TRPM3: variants seen among roughly 807,000 people sequenced by gnomAD.
TRPM3 encodes the protein transient receptor potential cation channel subfamily M member 3, also known as long transient receptor potential channel 3.
TRPM3 carries 77 observed loss-of-function variants against 181.2 expected under a neutral mutation model. That is an observed-to-expected ratio of 0.42 (90% confidence interval 0.35 to 0.51). TRPM3 has a LOEUF of 0.51. Ranked by LOEUF, TRPM3 falls within the 20% of genes least tolerant of loss-of-function variation. The pLI, the probability that TRPM3 is intolerant of heterozygous loss-of-function variation, is 0.01. For synonymous variants in TRPM3, 745 were observed against 796.4 expected (o/e 0.94, Z 1.09); for missense variants, 1,759 against 2,196.7 (o/e 0.80, Z 3.98).
At chr9:71,010,273 G>A (rs1000157488) in intron 1 of TRPM3, among the ~76,000 whole-genome samples, 1 of 152,044 alleles carries the variant, frequency 6.6e-6, no homozygotes, top group South Asian at 2.1e-4. Flanking sequence ...CAAAGGAAAT[G>A]AGTAACAGAG....
At chr9:71,306,320 A>C (rs2087315830) in intron 1 of TRPM3, among the ~76,000 whole-genome samples, 1 of 152,214 alleles carries the variant, frequency 6.6e-6, no homozygotes. Flanking sequence ...GAACTGTCAT[A>C]CAAAGTTTCC....
At chr9:71,127,780 T>A (rs2074135344) in intron 1 of TRPM3, among the ~76,000 whole-genome samples, 1 of 152,256 alleles carries the variant, frequency 6.6e-6, no homozygotes, top group Admixed American at 6.5e-5. Context: ...CCGAATGGCC[T>A]GAAGGTAAAC....
At chr9:71,064,513 CT>C (rs2061682774) in intron 1 of TRPM3, among the ~76,000 whole-genome samples, 1 of 151,776 alleles carries the variant, frequency 6.6e-6, no homozygotes, top group African/African-American at 2.4e-5. Flanking sequence ...ACATTTCCCC[CT>C]GTAGTTTTCA....
At chr9:71,071,950 G>C (rs1200225964) in intron 1 of TRPM3, among the ~76,000 whole-genome samples, 1 of 152,116 alleles carries the variant, frequency 6.6e-6, no homozygotes, top group Non-Finnish European at 1.5e-5. Context: ...TTAGTGCCAG[G>C]AAAGTAAAAA....
chr9:70,966,363 T>G (rs1451198437), intron 1 of TRPM3, among the ~76,000 whole-genome samples: 1 of 152,066 alleles, frequency 6.6e-6, no homozygotes, highest in African/African-American at 2.4e-5. Context: ...GAAACAGAAT[T>G]ACCATTTGAC....
intron 6 of TRPM3, chr9:70,810,173 C>A: frequency 2.2e-6 from 1 of 457,660 alleles, no homozygotes; most frequent in South Asian, 1.6e-5. Context: ...ATCAGGAGGT[C>A]CTCTGCTTGC....
intron 1 of TRPM3, among the ~76,000 whole-genome samples, chr9:71,362,257 T>C (rs1230176695): frequency 1.3e-5 from 2 of 152,192 alleles, no homozygotes; most frequent in Non-Finnish European, 2.9e-5. Flanking sequence ...TCAAAAATAG[T>C]TGATTGCAAA....
intron 22 of TRPM3, among the ~76,000 whole-genome samples, chr9:70,583,461 T>G (rs2056449122): frequency 6.6e-6 from 1 of 152,174 alleles, no homozygotes; most frequent in Non-Finnish European, 1.5e-5. Flanking sequence ...AGTGCTCTGT[T>G]AAAGGCAGAA....
intron 1 of TRPM3, among the ~76,000 whole-genome samples, chr9:71,295,421 A>T (rs2086177012): frequency 6.6e-6 from 1 of 152,104 alleles, no homozygotes; most frequent in South Asian, 2.1e-4. Flanking sequence ...TTAAATGATC[A>T]TAGGAGAGTA....
chr9:70,776,068 T>C (rs11142586), intron 7 of TRPM3: 28,110 of 180,208 alleles, frequency 0.16, 2,729 homozygotes, highest in East Asian at 0.37. Context: ...TCCTCCTGTA[T>C]AGCCATTTAT....
chr9:71,344,294 T>G (rs2091157907), intron 1 of TRPM3, among the ~76,000 whole-genome samples: 1 of 151,842 alleles, frequency 6.6e-6, no homozygotes, highest in African/African-American at 2.4e-5. Flanking sequence ...TACCAAAAAA[T>G]ACAAAAATTA....
rs192314454 is a variant in TRPM3, at chr9:70,805,444, G to A, written c.974-21165C>T. On this transcript the variant is annotated intron_variant, in intron 6 of 25. Coordinates refer to ENST00000677713, the MANE Select transcript of TRPM3 (RefSeq NM_001366145.2). ...AGCTACTCGGGAGGCTAAGGCAGGAGAATGGCGTGAACCCGGGAGGCGGAG... is the reference window on the plus strand; with the variant it reads ...AGCTACTCGGGAGGCTAAGGCAGGAAAATGGCGTGAACCCGGGAGGCGGAG... 4.0e-5 allele frequency among the ~76,000 whole-genome samples: 6 copies of A among 148,344 alleles called. No individual in the cohort carries two copies. The South Asian group carries it at 1.3e-3, about 32-fold the overall frequency.
intron 1 of TRPM3, among the ~76,000 whole-genome samples, chr9:71,349,943 C>T (rs942972148): frequency 6.8e-6 from 1 of 147,666 alleles, no homozygotes; most frequent in African/African-American, 2.5e-5. Context: ...GACACTCCAT[C>T]ATAATAATGA....
At chr9:70,564,162 A>G (rs926733913) in intron 22 of TRPM3, among the ~76,000 whole-genome samples, 3 of 152,220 alleles carry the variant, frequency 2.0e-5, no homozygotes, top group Non-Finnish European at 4.4e-5. Flanking sequence ...GGCTTGCCTC[A>G]TCATCATCAT....
intron 7 of TRPM3, among the ~76,000 whole-genome samples, chr9:70,762,585 T>C (rs1189092902): frequency 6.6e-6 from 1 of 152,188 alleles, no homozygotes; most frequent in Non-Finnish European, 1.5e-5. Flanking sequence ...CAAGGACCAG[T>C]GGCAAAATTA....
intron 11 of TRPM3, 143 bp downstream of exon 11, chr9:70,638,917 T>C (rs2057633555): frequency 3.2e-6 from 3 of 933,640 alleles, no homozygotes; most frequent in Admixed American, 2.8e-5. Context: ...TTGTCATCTA[T>C]GTAGGTCTAA....
intron 9 of TRPM3, among the ~76,000 whole-genome samples, chr9:70,659,025 G>A (rs986692963): frequency 1.3e-5 from 2 of 152,042 alleles, no homozygotes; most frequent in Non-Finnish European, 2.9e-5. Context: ...AAAATTTGGA[G>A]CATATTTTTT....
At chr9:71,213,120 C>A (rs2131810026) in intron 1 of TRPM3, among the ~76,000 whole-genome samples, 1 of 152,280 alleles carries the variant, frequency 6.6e-6, no homozygotes, top group South Asian at 2.1e-4. Context: ...GCTTTACAGG[C>A]CATACAATCT....
At chr9:70,586,622 A>T (rs1168768708) in intron 22 of TRPM3, among the ~76,000 whole-genome samples, 1 of 152,204 alleles carries the variant, frequency 6.6e-6, no homozygotes, top group Non-Finnish European at 1.5e-5. Context: ...TCCTTTTCCA[A>T]AATACTTTTT....
Sources: gnomAD v4.1 joint callset for allele counts (sites outside exome capture counted in the v4.1 genomes callset) on GRCh38, gnomAD v4.1.1 for gene constraint, MANE v1.5 for transcripts, NCBI Gene and HGNC (gene_info 2026-07-23, HGNC 2026-07-21) for gene names.